The following ANGPTL6 variants were observed in gnomAD, a reference collection of about 807,000 sequenced individuals.
The protein encoded by ANGPTL6 is angiopoietin like 6, also known as angiopoietin-related protein 6.
In ANGPTL6, 45 loss-of-function variants were observed where a neutral mutation model predicts 47.4. The ratio of observed to expected loss-of-function variants is 0.95; its 90% confidence interval spans 0.75 to 1.22. The LOEUF (loss-of-function observed/expected upper bound fraction) is 1.22, where lower values mean the gene tolerates loss of function less well. ANGPTL6 is among the 50% of genes most tolerant of loss of function. The pLI is 0.00. For synonymous variants in ANGPTL6, 290 were observed against 295.9 expected (o/e 0.98, Z 0.20); for missense variants, 698 against 669.4 (o/e 1.04, Z -0.47).
Position 10,096,036 on chromosome 19 carries a change from A to G in ANGPTL6, c.528T>C (p.Ser176=). 1 of 1,414,574 alleles carries G rather than the reference A, an allele frequency of 7.1e-7. No individual in the cohort carries two copies. Among genetic ancestry groups the G allele is most frequent in the Non-Finnish European group, 9.2e-7 (1 of 1,081,930 alleles). 87.6% of individuals were successfully genotyped at this position (1,414,574 alleles called of 1,614,324 possible). A position where few individuals can be genotyped will look rare whatever the true frequency, so the allele number is the denominator to read the frequency against. Residue 176 remains serine (S), a synonymous_variant, in exon 2 of 6, where the codon AGT becomes AGC. Coordinates refer to ENST00000253109, the MANE Select transcript of ANGPTL6 (RefSeq NM_031917.3). The stretch of plus-strand genomic sequence containing the variant: ...ACAGGCGCTCCAGGCGGGCGATGAG[A>G]CTGCTCTGCTGGGTGACGAGCTGCG... The part of the protein sequence containing the change: ...ELAQLVTQQS[S]LIARLERLCP...
intron 2 of ANGPTL6, 114 bp downstream of exon 2, chr19:10,095,868 A>G (rs1423029036): frequency 3.2e-6 from 2 of 618,174 alleles, no homozygotes; most frequent in African/African-American, 1.9e-5. Flanking sequence ...AGGGGCGAGT[A>G]GGAATCCGGT....
chr19:10,094,403 C>G, intron 3 of ANGPTL6: 1 of 292,314 alleles, frequency 3.4e-6, no homozygotes, highest in Non-Finnish European at 6.4e-6. Flanking sequence ...GCCTCGGCCT[C>G]CCAAAGTGCT....
upstream of ANGPTL6, chr19:10,106,172 G>A (rs1599301023): frequency 1.3e-6 from 1 of 752,966 alleles, no homozygotes; most frequent in East Asian, 3.1e-5. Context: ...TCGTTTCTCT[G>A]CAGCCCGGAG....
chr19:10,099,141 A>G (rs964093901), intron 1 of ANGPTL6, among the ~76,000 whole-genome samples: 1 of 151,910 alleles, frequency 6.6e-6, no homozygotes, highest in Admixed American at 6.6e-5. Context: ...TCCATCCTCA[A>G]CCCCAGGTCT....
rs769301032 is a variant in ANGPTL6 at position 10,092,551 on chromosome 19, A to G, written c.*38T>C. 1.9e-6 allele frequency: 3 copies of G among 1,562,876 alleles called. No homozygotes were observed. Among genetic ancestry groups the G allele is most frequent in the Non-Finnish European group, 2.6e-6 (3 of 1,150,308 alleles). On this transcript the variant is annotated 3_prime_UTR_variant, in exon 6 of 6. Coordinates refer to ENST00000253109, the MANE Select transcript of ANGPTL6 (RefSeq NM_031917.3). ...AGAACAACTTGGGCTCCTGCTGACC[A>G]ATGTCCTCTAGGGCCTAGGGGACAG...
At chr19:10,097,277 G>C (rs1951696766) in intron 1 of ANGPTL6, among the ~76,000 whole-genome samples, 1 of 152,040 alleles carries the variant, frequency 6.6e-6, no homozygotes, top group Non-Finnish European at 1.5e-5. Context: ...ATGGTGGCAA[G>C]GGCTTGTCAT....
chr19:10,096,050 T>C lies in ANGPTL6; in HGVS notation c.514A>G (p.Thr172Ala). ...VKFRELAQLV[T>A]QQSSLIARLE... ...CGGGCGATGAGACTGCTCTGCTGGG[T>C]GACGAGCTGCGCCAGCTCGCGGAAC... Residue 172 changes from threonine to alanine, a missense_variant, in exon 2 of 6, where the codon ACC becomes GCC. Coordinates refer to ENST00000253109, the MANE Select transcript of ANGPTL6 (RefSeq NM_031917.3). The C allele has an allele frequency of 6.8e-7, 1 of 1,461,004 alleles. No homozygotes were observed. 90.5% of individuals were successfully genotyped at this position (1,461,004 alleles called of 1,614,324 possible).
chr19:10,103,191 G>A (rs889608999), upstream of ANGPTL6, among the ~76,000 whole-genome samples: 5 of 151,676 alleles, frequency 3.3e-5, no homozygotes, highest in African/African-American at 1.2e-4. Context: ...AAGGTAGCTT[G>A]ACTCAGAAAC....
At chr19:10,098,763 G>T (rs923974422) in intron 1 of ANGPTL6, among the ~76,000 whole-genome samples, 6 of 151,842 alleles carry the variant, frequency 4.0e-5, no homozygotes, top group Admixed American at 1.3e-4. Context: ...GGTGGAGGTT[G>T]CAGTGAGCCG....
chr19:10,105,820 A>G (rs1298266700), upstream of ANGPTL6, among the ~76,000 whole-genome samples: 1 of 152,168 alleles, frequency 6.6e-6, no homozygotes, highest in Non-Finnish European at 1.5e-5. Flanking sequence ...GGAGGGGGCG[A>G]GTTATTCACG....
intron 3 of ANGPTL6, 200 bp downstream of exon 3, chr19:10,094,558 T>C (rs1423990236): frequency 3.0e-6 from 2 of 666,154 alleles, no homozygotes; most frequent in East Asian, 2.8e-5. Flanking sequence ...GTCCCAAACA[T>C]CGCCTCACTA....
intron 2 of ANGPTL6, 109 bp downstream of exon 2, chr19:10,095,873 T>G: frequency 1.5e-6 from 1 of 665,488 alleles, no homozygotes; most frequent in Non-Finnish European, 2.1e-6. Flanking sequence ...CGAGTAGGAA[T>G]CCGGTTTTCA....
At chr19:10,093,017 C>T (rs1051055681) in intron 5 of ANGPTL6, 44 of 488,098 alleles carry the variant, frequency 9.0e-5, no homozygotes, top group Admixed American at 2.9e-4. Context: ...ATCTTTCCCA[C>T]CTTTTCTGCA....
At chr19:10,101,598 G>A (rs1336792938) in intron 1 of ANGPTL6, among the ~76,000 whole-genome samples, 3 of 149,670 alleles carry the variant, frequency 2.0e-5, no homozygotes, top group Non-Finnish European at 3.0e-5. Context: ...ACCTGAGGTC[G>A]AGAGTTCAAG....
upstream of ANGPTL6, among the ~76,000 whole-genome samples, chr19:10,103,612 TA>T (rs1055740937): frequency 2.4e-4 from 7 of 28,762 alleles, no homozygotes; most frequent in Non-Finnish European, 4.4e-4. Context: ...AATAAATAAA[TA>T]AATAAATAAA....
Position 10,092,712 on chromosome 19 carries a change from A to G in ANGPTL6, c.1290T>C (p.Gly430=). ...GGTAGTGGCCGCCGTGGTGCCACAC[A>G]CCGTTGAGGTTGGAGTGGGCACAGG... ...YHACAHSNLN[G]VWHHGGHYRS... The change falls in exon 6 of 6, where the codon GGT becomes GGC. Residue 430 remains glycine (G), a synonymous_variant. Coordinates refer to ENST00000253109, the MANE Select transcript of ANGPTL6 (RefSeq NM_031917.3). 3.1e-6 allele frequency: 5 copies of G among 1,613,876 alleles called. No homozygotes were observed. Among genetic ancestry groups the G allele is most frequent in the Non-Finnish European group, 4.2e-6 (5 of 1,179,828 alleles).
rs140980342 is a variant in ANGPTL6, at chr19:10,099,853, TTCTC to T, written c.-11+2711_-11+2714del. Among the ~76,000 whole-genome samples, 722 of 100,806 alleles carry T rather than the reference TTCTC, an allele frequency of 7.2e-3. 9 individuals carry two copies. The highest frequency in any genetic ancestry group is 0.037 in the Admixed American group (369 of 9,898). 66.1% of individuals were successfully genotyped at this position (100,806 alleles called of 152,430 possible). ...CCTCTCTCTCTCTCTCTTTCTCTCT[TTCTC>T]TCTCTCTCTCTCTCTCTCTCCCCCA... On this transcript the variant is annotated intron_variant, in intron 1 of 5. Transcript: ENST00000253109.
At position 10,092,730 on chromosome 19, in the gene ANGPTL6, G is replaced by A; in HGVS notation, c.1272C>T (p.Ala424=). The A allele has an allele frequency of 6.2e-7, 1 of 1,613,040 alleles. No individual in the cohort carries two copies. The highest frequency in any genetic ancestry group is 8.5e-7 in the Non-Finnish European group (1 of 1,179,166). The part of the protein sequence containing the change: ...QRGGWWYHAC[A]HSNLNGVWHH... ...GCCACACACCGTTGAGGTTGGAGTG[G>A]GCACAGGCATGGTACCACCAGCCTC... The change falls in exon 6 of 6, where the codon GCC becomes GCT. Residue 424 remains alanine (A), a synonymous_variant. Coordinates refer to ENST00000253109, the MANE Select transcript of ANGPTL6 (RefSeq NM_031917.3).
In ANGPTL6 at chr19:10,092,532, A is replaced by T. The variant is rs1223358426; in HGVS notation, c.*57T>A. On this transcript the variant is annotated 3_prime_UTR_variant, in exon 6 of 6. Transcript: ENST00000253109. ...CCACAAAGAAGGTGTGGCCAGAACA[A>T]CTTGGGCTCCTGCTGACCAATGTCC... The T allele has an allele frequency of 1.9e-5, 30 of 1,548,498 alleles. No individual in the cohort carries two copies. The East Asian group carries it at 2.5e-4, about 13-fold the overall frequency.
Sources: gnomAD v4.1 joint callset for allele counts (sites outside exome capture counted in the v4.1 genomes callset) on GRCh38, gnomAD v4.1.1 for gene constraint, MANE v1.5 for transcripts, NCBI Gene and HGNC (gene_info 2026-07-23, HGNC 2026-07-21) for gene names.